Variants in AQP7B observed in about 807,000 individuals in gnomAD.
AQP7B encodes aquaporin 7B, also known as putative aquaporin-7B.
At chr2:94,588,562 C>G in the AQP7B span, 1 of 776,026 alleles carries the variant, frequency 1.3e-6, no homozygotes, top group Non-Finnish European at 2.2e-6. Context: ...GTACCCCACC[C>G]TCTTCTCACC....
chr2:94,599,970 C>G, the AQP7B span, among the ~76,000 whole-genome samples: 1 of 151,962 alleles, frequency 6.6e-6, no homozygotes, highest in Admixed American at 6.5e-5. Flanking sequence ...GCTCCGCCTC[C>G]TGGGTTCAAG....
the AQP7B span, among the ~76,000 whole-genome samples, chr2:94,591,461 G>A: frequency 1.3e-5 from 2 of 152,098 alleles, no homozygotes; most frequent in African/African-American, 4.8e-5. Context: ...GGCTCAGGCT[G>A]CCACCACTTC....
chr2:94,592,594 T>C, the AQP7B span, among the ~76,000 whole-genome samples: 1 of 151,702 alleles, frequency 6.6e-6, no homozygotes, highest in Non-Finnish European at 1.5e-5. Flanking sequence ...CCTGGGAAGG[T>C]ACCATAGAGG....
chr2:94,604,460 T>A, the AQP7B span: 1 of 1,611,490 alleles, frequency 6.2e-7, no homozygotes, highest in Non-Finnish European at 8.5e-7. Context: ...CAAGATGGGA[T>A]CTCATGAACC....
the AQP7B span, chr2:94,602,561 T>G: frequency 3.7e-6 from 6 of 1,603,992 alleles, no homozygotes; most frequent in Non-Finnish European, 4.3e-6. Flanking sequence ...TGGTGTCAAC[T>G]TGGGTTTTGG....
At chr2:94,599,882 T>C in the AQP7B span, among the ~76,000 whole-genome samples, 3 of 151,850 alleles carry the variant, frequency 2.0e-5, no homozygotes, top group African/African-American at 7.2e-5. Flanking sequence ...TTTTTCTTTT[T>C]TTTTTCTTTT....
At chr2:94,592,616 TAGAC>T in the AQP7B span, among the ~76,000 whole-genome samples, 1 of 151,192 alleles carries the variant, frequency 6.6e-6, no homozygotes, top group Non-Finnish European at 1.5e-5. Context: ...AGGGGAGAGG[TAGAC>T]AGAGCAGGGA....
the AQP7B span, chr2:94,602,593 C>G: frequency 1.8e-5 from 28 of 1,596,352 alleles, no homozygotes; most frequent in African/African-American, 6.7e-5. Context: ...CCATGGGAGT[C>G]CACGTGGCAG....
chr2:94,603,838 G>A, the AQP7B span: 1 of 1,462,504 alleles, frequency 6.8e-7, no homozygotes, highest in Non-Finnish European at 9.5e-7. Flanking sequence ...GGTGTCCCAT[G>A]GCATAAACAC....
chr2:94,604,210 C>A, the AQP7B span: 1 of 1,410,492 alleles, frequency 7.1e-7, no homozygotes, highest in South Asian at 1.4e-5. Flanking sequence ...CTCTGCTCAA[C>A]CAGTCTTCGC....
At chr2:94,603,267 T>G in the AQP7B span, 1 of 1,392,198 alleles carries the variant, frequency 7.2e-7, no homozygotes, top group Non-Finnish European at 9.8e-7. Flanking sequence ...TTGTAAAAAA[T>G]AGCTGGGAGA....
At chr2:94,604,384 C>A in the AQP7B span, 1 of 1,611,440 alleles carries the variant, frequency 6.2e-7, no homozygotes. Context: ...GCTCCACCAT[C>A]CCACGGGAGC....
the AQP7B span, chr2:94,602,401 A>G: frequency 2.3e-6 from 3 of 1,325,436 alleles, no homozygotes; most frequent in African/African-American, 1.5e-5. Flanking sequence ...GGCCCAGGGC[A>G]TGGGGGTGAG....
At chr2:94,597,608 T>C in the AQP7B span, among the ~76,000 whole-genome samples, 2 of 150,092 alleles carry the variant, frequency 1.3e-5, no homozygotes, top group Non-Finnish European at 1.5e-5. Flanking sequence ...TCACAGTCTT[T>C]TTTGTTTTTT....
chr2:94,590,628 G>T, the AQP7B span, among the ~76,000 whole-genome samples: 2 of 152,080 alleles, frequency 1.3e-5, no homozygotes, highest in African/African-American at 2.4e-5. Context: ...CAGTTAGTTG[G>T]TTTTTGATAG....
At chr2:94,590,347 TA>T in the AQP7B span, among the ~76,000 whole-genome samples, 2 of 151,880 alleles carry the variant, frequency 1.3e-5, no homozygotes, top group African/African-American at 2.4e-5. Context: ...CACGCCCAGC[TA>T]ATTTTTTTTT....
chr2:94,589,210 T>A, the AQP7B span, among the ~76,000 whole-genome samples: 1 of 151,230 alleles, frequency 6.6e-6, no homozygotes, highest in Admixed American at 6.6e-5. Context: ...GGTTTCGCCA[T>A]GTTCGCCAGG....
chr2:94,599,840 G>A, the AQP7B span, among the ~76,000 whole-genome samples: 2 of 151,982 alleles, frequency 1.3e-5, no homozygotes, highest in Non-Finnish European at 2.9e-5. Flanking sequence ...TTCTCGAAGA[G>A]GAGTCTACAC....
At chr2:94,593,701 G>C in the AQP7B span, among the ~76,000 whole-genome samples, 1 of 151,924 alleles carries the variant, frequency 6.6e-6, no homozygotes, top group Non-Finnish European at 1.5e-5. Context: ...GTTCAGGCTG[G>C]TCTCGAACTC....
Sources: gnomAD v4.1 joint callset for allele counts (sites outside exome capture counted in the v4.1 genomes callset) on GRCh38, gnomAD v4.1.1 for gene constraint, MANE v1.5 for transcripts, NCBI Gene and HGNC (gene_info 2026-07-23, HGNC 2026-07-21) for gene names.